DMXL2: variants seen among roughly 807,000 people sequenced by gnomAD.
DMXL2 encodes Dmx like 2.
In DMXL2, 103 loss-of-function variants were observed where a neutral mutation model predicts 331.1. The observed-to-expected ratio is 0.31, with a 90% CI of 0.27 to 0.37. DMXL2 has a LOEUF of 0.37. Among genes scored for constraint, DMXL2 ranks in the 10% least tolerant of loss-of-function variants. DMXL2 has a pLI of 1.00. For synonymous variants in DMXL2, 1,281 were observed against 1,252.1 expected, an observed-to-expected ratio of 1.02 and a Z score of -0.49; for missense variants, 3,171 against 3,642.9, an observed-to-expected ratio of 0.87 and a Z score of 3.33.
At chr15:51,609,438 A>G (rs2053808944) in intron 1 of DMXL2, among the ~76,000 whole-genome samples, 1 of 152,248 alleles carries the variant, frequency 6.6e-6, no homozygotes, top group Non-Finnish European at 1.5e-5. Context: ...GACCACACAT[A>G]AACTATGATG....
intron 1 of DMXL2, among the ~76,000 whole-genome samples, chr15:51,586,890 A>T (rs906040785): frequency 1.3e-5 from 2 of 151,944 alleles, no homozygotes; most frequent in African/African-American, 4.8e-5. Context: ...CAAAAATCTT[A>T]TATCTTATAT....
intron 1 of DMXL2, among the ~76,000 whole-genome samples, chr15:51,599,072 T>G (rs1351089349): frequency 3.9e-5 from 6 of 152,202 alleles, no homozygotes; most frequent in Non-Finnish European, 7.4e-5. Context: ...TTTATCTTAT[T>G]CAAAGGGTTA....
At chr15:51,484,175 A>G in intron 23 of DMXL2, among the ~76,000 whole-genome samples, 1 of 152,098 alleles carries the variant, frequency 6.6e-6, no homozygotes, top group South Asian at 2.1e-4. Flanking sequence ...ACAAAACCCC[A>G]GGCCAGCTGA....
At chr15:51,559,939 C>G (rs1432694999) in intron 6 of DMXL2, among the ~76,000 whole-genome samples, 1 of 152,156 alleles carries the variant, frequency 6.6e-6, no homozygotes, top group Non-Finnish European at 1.5e-5. Context: ...AATTCTATTC[C>G]TATGTATATA....
rs550527762 is a variant in DMXL2, at chr15:51,477,394, C to G, written c.6834-675G>C. On this transcript the variant is annotated intron_variant, in intron 26 of 43. Transcript: ENST00000560891. ...GTGCCATTTTAATGGTGACTGACAT[C>G]AAACAAGTTATCTTTGATCATTTAG... Among the ~76,000 whole-genome samples the G allele has an allele frequency of 3.3e-5, 5 of 152,052 alleles. No homozygotes were observed. In the South Asian group the frequency reaches 1.0e-3, roughly 32 times the overall value.
In DMXL2 at chr15:51,499,594, T is replaced by A; in HGVS notation, c.3630A>T (p.Gly1210=). The change falls in exon 18 of 44, where the codon GGA becomes GGT. Residue 1210 remains glycine, a synonymous_variant. Transcript: ENST00000560891. Reference sequence around the variant, plus strand: ...CTAGTGGTAAAGTGATGACAGCTACTCCATCCTTACTGTTGGTTTGCTCAG... The same window carrying A: ...CTAGTGGTAAAGTGATGACAGCTACACCATCCTTACTGTTGGTTTGCTCAG... ...IVTEQTNSKD[G]VAVITLPLGG... is the part of the protein sequence containing the mutation. 1 of 1,614,150 alleles carries A rather than the reference T, an allele frequency of 6.2e-7. No homozygotes were observed. The highest frequency in any genetic ancestry group is 1.1e-5 in the South Asian group (1 of 91,084).
At chr15:51,553,996 G>A (rs1248931327) in intron 6 of DMXL2, among the ~76,000 whole-genome samples, 1 of 152,092 alleles carries the variant, frequency 6.6e-6, no homozygotes, top group Non-Finnish European at 1.5e-5. Context: ...CTGTACATGA[G>A]TCAAGGAAAA....
intron 23 of DMXL2, among the ~76,000 whole-genome samples, chr15:51,481,972 G>A (rs1008146085): frequency 6.6e-6 from 1 of 152,102 alleles, no homozygotes; most frequent in Non-Finnish European, 1.5e-5. Flanking sequence ...TTAAATGGAA[G>A]ACAAACACAA....
chr15:51,488,890 G>A (rs959030309), intron 20 of DMXL2, among the ~76,000 whole-genome samples: 22 of 152,100 alleles, frequency 1.4e-4, no homozygotes, highest in African/African-American at 5.1e-4. Flanking sequence ...TATTTACCAC[G>A]TCCTGGGCAC....
Position 51,491,662 on chromosome 15 carries a change from C to T in DMXL2, c.4869G>A (p.Gly1623=). The T allele has an allele frequency of 6.2e-7, 1 of 1,613,626 alleles. No individual in the cohort carries two copies. Among genetic ancestry groups the T allele is most frequent in the Non-Finnish European group, 8.5e-7 (1 of 1,179,782 alleles). ...CTCTTAATTCAGACCACTGGGGGTCCCCTCTCTGAATTGCTGGAATCATAT... is the reference window on the plus strand; with the variant it reads ...CTCTTAATTCAGACCACTGGGGGTCTCCTCTCTGAATTGCTGGAATCATAT... ...LINMIPAIQR[G]DPQWSELRAM... is the part of the protein sequence containing the mutation. Residue 1623 remains glycine, a synonymous_variant, in exon 20 of 44, where the codon GGG becomes GGA. Coordinates refer to ENST00000560891, the MANE Select transcript of DMXL2 (RefSeq NM_001378457.1).
At position 51,547,903 on chromosome 15, in the gene DMXL2, C is replaced by T. The variant is rs554187409; in HGVS notation, c.568-495G>A. On this transcript the variant is annotated intron_variant, in intron 6 of 43. Coordinates refer to ENST00000560891, the MANE Select transcript of DMXL2 (RefSeq NM_001378457.1). ...AGGGCCAGATGGTAAATAAGTTAGG[C>T]TTTGTGGGCTACACAGGTCTATGAC... 5.9e-5 allele frequency among the ~76,000 whole-genome samples: 9 copies of T among 152,184 alleles called. No homozygotes were observed. In the South Asian group the frequency reaches 1.9e-3, roughly 32 times the overall value.
intron 9 of DMXL2, among the ~76,000 whole-genome samples, chr15:51,538,804 TATC>T (rs1284217046): frequency 1.3e-5 from 2 of 152,232 alleles, no homozygotes; most frequent in South Asian, 2.1e-4. Context: ...TGGAATTACT[TATC>T]ATTTTCTTAG....
At chr15:51,508,155 C>T (rs1449603770) in intron 15 of DMXL2, among the ~76,000 whole-genome samples, 2 of 151,814 alleles carry the variant, frequency 1.3e-5, no homozygotes, top group African/African-American at 2.4e-5. Flanking sequence ...GGGAGGGGAA[C>T]ATAACACATC....
intron 36 of DMXL2, among the ~76,000 whole-genome samples, chr15:51,458,209 A>C (rs1414426332): frequency 6.6e-6 from 1 of 152,238 alleles, no homozygotes; most frequent in Non-Finnish European, 1.5e-5. Context: ...TAATTAACAT[A>C]TTTGTGTCTA....
At chr15:51,500,678 T>C (rs8025536) in intron 17 of DMXL2, among the ~76,000 whole-genome samples, 115,950 of 152,114 alleles carry the variant, frequency 0.76, 44,790 homozygotes, top group African/African-American at 0.86. Flanking sequence ...CCTAACCTTC[T>C]CTCAAATAAT....
At chr15:51,563,079 G>A (rs1358749678) in intron 6 of DMXL2, among the ~76,000 whole-genome samples, 1 of 152,092 alleles carries the variant, frequency 6.6e-6, no homozygotes, top group Non-Finnish European at 1.5e-5. Context: ...TGTGAATCCA[G>A]TATTATTTTA....
chr15:51,461,086 G>A (rs996800665), intron 33 of DMXL2, among the ~76,000 whole-genome samples: 1 of 152,108 alleles, frequency 6.6e-6, no homozygotes, highest in Non-Finnish European at 1.5e-5. Flanking sequence ...AAAATTAAAA[G>A]GGTACATGAT....
At chr15:51,541,027 T>C (rs1346887543) in intron 9 of DMXL2, among the ~76,000 whole-genome samples, 1 of 152,182 alleles carries the variant, frequency 6.6e-6, no homozygotes, top group Admixed American at 6.5e-5. Flanking sequence ...GCATTTTGTT[T>C]TGAAGTTGAA....
rs181259095 is a variant in DMXL2 at position 51,592,103 on chromosome 15, C to T, written c.88-15922G>A. The stretch of plus-strand genomic sequence containing the variant: ...CGAGCTGAGAGAAGAAGGCTTCAGA[C>T]GATCAAACTACTCCGAGCTAAAGGA... On this transcript the variant is annotated intron_variant, in intron 1 of 43. Coordinates refer to ENST00000560891, the MANE Select transcript of DMXL2 (RefSeq NM_001378457.1). Among the ~76,000 whole-genome samples, 533 of 151,788 alleles carry T rather than the reference C, an allele frequency of 3.5e-3. 6 individuals are homozygous for T. Among genetic ancestry groups the T allele is most frequent in the East Asian group, 0.011 (58 of 5,148 alleles).
Sources: gnomAD v4.1 joint callset for allele counts (sites outside exome capture counted in the v4.1 genomes callset) on GRCh38, gnomAD v4.1.1 for gene constraint, MANE v1.5 for transcripts, NCBI Gene and HGNC (gene_info 2026-07-23, HGNC 2026-07-21) for gene names.